Variants in PARD3 observed in about 807,000 individuals in gnomAD.
The protein encoded by PARD3 is par-3 family cell polarity regulator.
PARD3 carries 75 observed loss-of-function variants against 155.4 expected under a neutral mutation model. The ratio of observed to expected loss-of-function variants is 0.48; its 90% CI spans 0.40 to 0.58. The LOEUF (loss-of-function observed/expected upper bound fraction) is 0.58, where lower values mean the gene tolerates loss of function less well. Ranked by LOEUF, PARD3 falls within the 20% of genes least tolerant of loss-of-function variation. The pLI is 0.00. For synonymous variants in PARD3, 576 were observed against 610.5 expected (o/e 0.94, Z 0.83); for missense variants, 1,642 against 1,721.7 (o/e 0.95, Z 0.82).
At chr10:34,424,790 C>T (rs1276962293) in intron 5 of PARD3, among the ~76,000 whole-genome samples, 2 of 152,142 alleles carry the variant, frequency 1.3e-5, no homozygotes, top group Admixed American at 6.5e-5. Flanking sequence ...GCTGGGATTA[C>T]AGGGGTGAGC....
rs113558725 is a variant in PARD3 at position 34,372,115 on chromosome 10, C to T, written c.1707+383G>A. 4.8e-3 allele frequency among the ~76,000 whole-genome samples: 737 copies of T among 152,082 alleles called. 4 individuals are homozygous for T. Among genetic ancestry groups the T allele is most frequent in the African/African-American group, 0.017 (708 of 41,480 alleles). ...CTTTTTTTACTGTATTCTCTTAGCC[C>T]TCCCTTTTTTTCCATGATTGAATCA... On this transcript the variant is annotated intron_variant, in intron 12 of 24. Coordinates refer to ENST00000374788, the MANE Select transcript of PARD3 (RefSeq NM_001184785.2).
intron 14 of PARD3, among the ~76,000 whole-genome samples, chr10:34,355,079 T>A (rs144763794): frequency 1.5e-3 from 236 of 152,274 alleles, no homozygotes; most frequent in African/African-American, 5.4e-3. Flanking sequence ...CTCACAGGCG[T>A]AATTCCAGCA....
chr10:34,588,976 T>A lies in PARD3; in HGVS notation c.223-71817A>T, dbSNP rs535054581. Among the ~76,000 whole-genome samples the A allele has an allele frequency of 3.8e-4, 58 of 152,300 alleles. 1 individual carries two copies. The South Asian group carries it at 6.4e-3, about 17-fold the overall frequency. On this transcript the variant is annotated intron_variant, in intron 2 of 24. Transcript: ENST00000374788. ...GCACAGGCTCCATGGCTCATGCCTA[T>A]AATCCCAGTACTTTGGGAGGCCAAG...
chr10:34,611,936 C>CT (rs912377752), intron 2 of PARD3, among the ~76,000 whole-genome samples: 4 of 132,932 alleles, frequency 3.0e-5, no homozygotes, highest in African/African-American at 8.1e-5. Flanking sequence ...CAGCGCCCCC[C>CT]CTACCCCCCC....
chr10:34,469,638 TC>T (rs2133067121), intron 4 of PARD3, among the ~76,000 whole-genome samples: 1 of 152,260 alleles, frequency 6.6e-6, no homozygotes, highest in Non-Finnish European at 1.5e-5. Flanking sequence ...TGTTCTAAGT[TC>T]CTTAATGTAC....
At chr10:34,387,771 C>A (rs1842495059) in intron 7 of PARD3, among the ~76,000 whole-genome samples, 1 of 148,544 alleles carries the variant, frequency 6.7e-6, no homozygotes, top group Non-Finnish European at 1.5e-5. Flanking sequence ...GATTTATATT[C>A]ATCTCATAAT....
intron 1 of PARD3, among the ~76,000 whole-genome samples, chr10:34,752,938 T>G (rs1836245333): frequency 6.9e-6 from 1 of 145,022 alleles, no homozygotes; most frequent in Non-Finnish European, 1.5e-5. Context: ...GGTCTCAAAG[T>G]CTGAGTGGAA....
intron 23 of PARD3, among the ~76,000 whole-genome samples, chr10:34,124,032 T>C (rs1449817090): frequency 6.6e-6 from 1 of 152,050 alleles, no homozygotes; most frequent in Non-Finnish European, 1.5e-5. Flanking sequence ...CTTTTCTTCT[T>C]ATAGATAAGG....
intron 1 of PARD3, among the ~76,000 whole-genome samples, chr10:34,700,457 A>C (rs1007860445): frequency 5.9e-5 from 9 of 152,224 alleles, no homozygotes; most frequent in Non-Finnish European, 1.3e-4. Flanking sequence ...CATATTACCC[A>C]CATGTGCAAA....
chr10:34,265,665 T>C (rs1173842374), intron 22 of PARD3, among the ~76,000 whole-genome samples: 1 of 152,246 alleles, frequency 6.6e-6, no homozygotes, highest in Non-Finnish European at 1.5e-5. Flanking sequence ...ATGTTTCCAC[T>C]TGAATAATTA....
At chr10:34,370,822 G>A (rs959512462) in intron 12 of PARD3, among the ~76,000 whole-genome samples, 21 of 150,066 alleles carry the variant, frequency 1.4e-4, no homozygotes, top group South Asian at 6.3e-4. Context: ...GTGTGTGTGT[G>A]TGTGTGTGTG....
At chr10:34,751,947 T>C (rs545739695) in intron 1 of PARD3, among the ~76,000 whole-genome samples, 2 of 152,086 alleles carry the variant, frequency 1.3e-5, no homozygotes, top group East Asian at 1.9e-4. Flanking sequence ...TGTGAGCCTC[T>C]TTCTTTAGCC....
At chr10:34,461,631 A>C (rs927260548) in intron 4 of PARD3, among the ~76,000 whole-genome samples, 1 of 152,168 alleles carries the variant, frequency 6.6e-6, no homozygotes, top group African/African-American at 2.4e-5. Context: ...ATAAATAAAA[A>C]GATGAAATGA....
chr10:34,119,186 G>A (rs1280663679), intron 24 of PARD3, among the ~76,000 whole-genome samples: 5 of 152,306 alleles, frequency 3.3e-5, no homozygotes, highest in South Asian at 2.1e-4. Flanking sequence ...CAACCACGGC[G>A]TATGCAGCAC....
intron 1 of PARD3, among the ~76,000 whole-genome samples, chr10:34,805,108 A>G (rs1843205865): frequency 6.6e-6 from 1 of 152,262 alleles, no homozygotes; most frequent in African/African-American, 2.4e-5. Context: ...CTGTAATCCC[A>G]GCACTTTGCA....
chr10:34,493,444 A>G (rs568231912), intron 3 of PARD3, among the ~76,000 whole-genome samples: 1 of 152,174 alleles, frequency 6.6e-6, no homozygotes, highest in Admixed American at 6.6e-5. Context: ...TAAAAATTAT[A>G]ATACAGGCCA....
intron 22 of PARD3, among the ~76,000 whole-genome samples, chr10:34,158,431 C>G (rs759386145): frequency 1.3e-5 from 2 of 152,198 alleles, no homozygotes; most frequent in Non-Finnish European, 2.9e-5. Flanking sequence ...CGATTCTTTT[C>G]CATTTCATGT....
At chr10:34,601,893 G>T (rs559754187) in intron 2 of PARD3, among the ~76,000 whole-genome samples, 1 of 152,164 alleles carries the variant, frequency 6.6e-6, no homozygotes, top group East Asian at 1.9e-4. Context: ...CCCCAGAAGC[G>T]GGAAAAAATT....
chr10:34,480,733 ATTTTAT>A (rs1191583230), intron 3 of PARD3, among the ~76,000 whole-genome samples: 3 of 148,096 alleles, frequency 2.0e-5, no homozygotes, highest in Non-Finnish European at 3.0e-5. Context: ...GTATTCCAAT[ATTTTAT>A]TTTTATTTTA....
Sources: gnomAD v4.1 joint callset for allele counts (sites outside exome capture counted in the v4.1 genomes callset) on GRCh38, gnomAD v4.1.1 for gene constraint, MANE v1.5 for transcripts, NCBI Gene and HGNC (gene_info 2026-07-23, HGNC 2026-07-21) for gene names.